SYT16: variants seen among roughly 807,000 people sequenced by gnomAD.
SYT16 encodes the protein synaptotagmin-16.
SYT16 carries 42 observed loss-of-function variants against 61.4 expected under a neutral mutation model. The observed-to-expected ratio is 0.68, with a 90% confidence interval of 0.53 to 0.89. The LOEUF (loss-of-function observed/expected upper bound fraction) is 0.89, where lower values mean the gene tolerates loss of function less well. Among genes scored for constraint, SYT16 ranks in the 40% least tolerant of loss-of-function variants. SYT16 has a pLI of 0.00. For synonymous variants in SYT16, 314 were observed against 302.3 expected, an observed-to-expected ratio of 1.04 and a Z score of -0.40; for missense variants, 804 against 807.3, an observed-to-expected ratio of 1.00 and a Z score of 0.05.
At chr14:61,891,712 T>A (rs775334322) in intron 1 of SYT16, among the ~76,000 whole-genome samples, 1 of 152,128 alleles carries the variant, frequency 6.6e-6, no homozygotes, top group Non-Finnish European at 1.5e-5. Context: ...CCAGAAAATA[T>A]AATAGTGTAT....
rs536063012 is a variant in SYT16 at position 61,865,294 on chromosome 14, C to T, written c.-325+52484C>T. 1.7e-4 allele frequency: 131 copies of T among 756,706 alleles called. 2 individuals carry two copies. The South Asian group carries it at 1.8e-3, about 10-fold the overall frequency. 46.9% of individuals were successfully genotyped at this position (756,706 alleles called of 1,614,324 possible). A position where few individuals can be genotyped will look rare whatever the true frequency, so the allele number is the denominator to read the frequency against. ...GTCTTTTGCCTCATGCCCTACACAT[C>T]CCTCTGAACGCAGGGATGCGGAGAG... On this transcript the variant is annotated intron_variant, in intron 1 of 7. Transcript: ENST00000683842.
At chr14:62,030,664 T>C (rs2054279650) in intron 3 of SYT16, among the ~76,000 whole-genome samples, 1 of 152,236 alleles carries the variant, frequency 6.6e-6, no homozygotes, top group South Asian at 2.1e-4. Flanking sequence ...AAGGTTTTTG[T>C]TTTTCATTTG....
At chr14:61,837,469 C>T (rs2046168066) in intron 1 of SYT16, among the ~76,000 whole-genome samples, 1 of 151,706 alleles carries the variant, frequency 6.6e-6, no homozygotes, top group Admixed American at 6.6e-5. Flanking sequence ...GAACTCCTGG[C>T]TTCAAGTGAT....
intron 1 of SYT16, among the ~76,000 whole-genome samples, chr14:61,852,763 G>C (rs2046654824): frequency 6.6e-6 from 1 of 152,012 alleles, no homozygotes; most frequent in African/African-American, 2.4e-5. Context: ...TTTGCATGTT[G>C]GTTTTGTATC....
At chr14:62,084,099 G>A in intron 6 of SYT16, 97 bp from the exon 7 acceptor site, 4 of 1,430,194 alleles carry the variant, frequency 2.8e-6, no homozygotes, top group Middle Eastern at 2.3e-4. Context: ...AGTCATTGGG[G>A]ATTGGGTCAC....
At chr14:61,968,013 C>T (rs2051386036) in intron 1 of SYT16, among the ~76,000 whole-genome samples, 2 of 152,062 alleles carry the variant, frequency 1.3e-5, no homozygotes, top group Non-Finnish European at 2.9e-5. Context: ...GTAATCCCAG[C>T]ACTTTGGGAG....
intron 6 of SYT16, 101 bp from the exon 7 acceptor site, chr14:62,084,095 T>C (rs1365150080): frequency 7.1e-7 from 1 of 1,403,840 alleles, no homozygotes; most frequent in East Asian, 2.5e-5. Flanking sequence ...TGGCAGTCAT[T>C]GGGGATTGGG....
chr14:61,821,697 C>A (rs2045623778), intron 1 of SYT16, among the ~76,000 whole-genome samples: 1 of 152,204 alleles, frequency 6.6e-6, no homozygotes, highest in Non-Finnish European at 1.5e-5. Context: ...AGTGACATTC[C>A]ATCACCTTTG....
intron 3 of SYT16, among the ~76,000 whole-genome samples, chr14:62,028,661 A>G (rs1315234577): frequency 1.3e-5 from 2 of 152,202 alleles, no homozygotes; most frequent in African/African-American, 4.8e-5. Context: ...TAAGGAGAAC[A>G]GGTTTATGAC....
intron 3 of SYT16, among the ~76,000 whole-genome samples, chr14:62,003,253 G>A (rs1398951366): frequency 2.0e-5 from 3 of 151,936 alleles, no homozygotes; most frequent in African/African-American, 7.3e-5. Context: ...ACTGTATCAC[G>A]ACAGCAGCTT....
intron 3 of SYT16, among the ~76,000 whole-genome samples, chr14:62,060,714 C>A (rs1448070784): frequency 6.6e-6 from 1 of 151,684 alleles, no homozygotes; most frequent in Non-Finnish European, 1.5e-5. Context: ...TATTGGATTT[C>A]TTTTTTTAAT....
chr14:62,090,848 T>C (rs184395409), intron 7 of SYT16, among the ~76,000 whole-genome samples: 2 of 152,260 alleles, frequency 1.3e-5, no homozygotes, highest in Admixed American at 6.5e-5. Context: ...CTCACAATCA[T>C]GAAGGAAGGC....
chr14:61,828,237 G>A (rs1241663527), intron 1 of SYT16, among the ~76,000 whole-genome samples: 2 of 152,156 alleles, frequency 1.3e-5, no homozygotes, highest in African/African-American at 4.8e-5. Flanking sequence ...ACAGTTTGTG[G>A]TACTTTGTTA....
At chr14:61,828,871 C>G (rs1446503900) in intron 1 of SYT16, among the ~76,000 whole-genome samples, 2 of 152,160 alleles carry the variant, frequency 1.3e-5, no homozygotes, top group South Asian at 2.1e-4. Flanking sequence ...TAAGGCTATT[C>G]CTAACACTGT....
At chr14:61,922,120 G>A (rs1047976818) in intron 1 of SYT16, among the ~76,000 whole-genome samples, 2 of 152,178 alleles carry the variant, frequency 1.3e-5, no homozygotes, top group Admixed American at 6.5e-5. Context: ...TATAAGCAGC[G>A]TGGTGATTCC....
chr14:61,936,699 TC>T (rs1272040968), intron 1 of SYT16, among the ~76,000 whole-genome samples: 3 of 152,112 alleles, frequency 2.0e-5, no homozygotes, highest in Non-Finnish European at 4.4e-5. Context: ...TGTCCCCTCC[TC>T]CGTTCTATGT....
intron 1 of SYT16, among the ~76,000 whole-genome samples, chr14:61,906,361 T>C (rs888359596): frequency 3.3e-5 from 5 of 152,188 alleles, no homozygotes; most frequent in Non-Finnish European, 7.4e-5. Flanking sequence ...TGGCTTGCTG[T>C]AGCCTCGAAT....
chr14:61,905,864 T>A (rs1357431014), intron 1 of SYT16, among the ~76,000 whole-genome samples: 1 of 151,984 alleles, frequency 6.6e-6, no homozygotes, highest in African/African-American at 2.4e-5. Flanking sequence ...TTCCAGTGAT[T>A]CTCCTGTATC....
At chr14:61,825,372 T>C (rs1250151059) in intron 1 of SYT16, among the ~76,000 whole-genome samples, 1 of 152,168 alleles carries the variant, frequency 6.6e-6, no homozygotes. Context: ...AGTTTTACCA[T>C]AGAGTAATTG....
Sources: allele counts gnomAD v4.1 joint callset (sites outside exome capture counted in the v4.1 genomes callset), GRCh38; gene constraint gnomAD v4.1.1; transcripts MANE v1.5; gene names NCBI Gene and HGNC (gene_info 2026-07-23, HGNC 2026-07-21).